The following DNAH6 variants were observed in gnomAD, a reference collection of about 807,000 sequenced individuals.
DNAH6 encodes axonemal beta dynein heavy chain 6.
Under a neutral mutation model 491.4 loss-of-function variants are expected in DNAH6, and 340 were observed. That is an observed-to-expected ratio of 0.69 (90% CI 0.63 to 0.76). The LOEUF (loss-of-function observed/expected upper bound fraction) is 0.76. DNAH6 is among the 30% of genes least tolerant of loss of function. The pLI, the probability that DNAH6 is intolerant of heterozygous loss-of-function variation, is 0.00. For missense variants in DNAH6, 4,443 were observed against 4,972.2 expected (o/e 0.89, Z 3.20); for synonymous variants, 1,603 against 1,686.1 (o/e 0.95, Z 1.21).
intron 56 of DNAH6, 41 bp downstream of exon 56, chr2:84,710,453 T>G (rs1696930197): frequency 2.6e-6 from 4 of 1,545,746 alleles, no homozygotes; most frequent in African/African-American, 2.7e-5. Flanking sequence ...GTTCCCAACT[T>G]TCAAATCATA....
intron 65 of DNAH6, among the ~76,000 whole-genome samples, chr2:84,782,776 CA>C (rs1195054303): frequency 6.6e-6 from 1 of 152,108 alleles, no homozygotes; most frequent in Non-Finnish European, 1.5e-5. Flanking sequence ...CAGTACTGGT[CA>C]GGGGTCCCCA....
rs527451425 is a variant in DNAH6 at position 84,775,919 on chromosome 2, T to C, written c.10704-5574T>C. 9.8e-5 allele frequency among the ~76,000 whole-genome samples: 15 copies of C among 152,318 alleles called. No individual in the cohort carries two copies. The East Asian group carries it at 2.7e-3, about 27-fold the overall frequency. ...CTTCTCTCTTTTTTCTTTGTTAATA[T>C]AGTTAGTGGTCTATCAATCTTGTTT... On this transcript the variant is annotated intron_variant, in intron 64 of 76. Transcript: ENST00000389394.
In DNAH6 at chr2:84,797,571, A is replaced by G. The variant is rs1305126662; in HGVS notation, c.11394A>G (p.Gln3798=). 2 of 1,551,830 alleles carry G rather than the reference A, an allele frequency of 1.3e-6. No homozygotes were observed. Among genetic ancestry groups the G allele is most frequent in the Admixed American group, 3.9e-5 (2 of 50,988 alleles). The part of the protein sequence containing the change: ...IYFAPMADSL[Q]EFKDYIENLP... ...TTGCACCCATGGCTGACAGCCTACA[A>G]GAGTTTAAGGACTACATTGAAAATC... is the stretch of plus-strand genomic sequence containing the variant. Residue 3798 remains glutamine (Q), a synonymous_variant, in exon 70 of 77, where the codon CAA becomes CAG. Transcript: ENST00000389394.
chr2:84,786,759 T>A (rs1418491509), intron 67 of DNAH6, among the ~76,000 whole-genome samples: 1 of 152,090 alleles, frequency 6.6e-6, no homozygotes, highest in African/African-American at 2.4e-5. Context: ...AACTGAAAAA[T>A]CATGGACAGA....
intron 26 of DNAH6, among the ~76,000 whole-genome samples, chr2:84,622,884 G>A (rs1687526845): frequency 6.6e-6 from 1 of 152,158 alleles, no homozygotes; most frequent in East Asian, 1.9e-4. Context: ...CAGTTATGAG[G>A]TGACATCTCA....
chr2:84,636,410 G>T (rs1688881921), intron 30 of DNAH6, among the ~76,000 whole-genome samples: 1 of 152,086 alleles, frequency 6.6e-6, no homozygotes, highest in African/African-American at 2.4e-5. Flanking sequence ...TACCCCCATG[G>T]GCTTTGCACA....
At chr2:84,724,763 G>A (rs941444788) in intron 60 of DNAH6, among the ~76,000 whole-genome samples, 12 of 152,096 alleles carry the variant, frequency 7.9e-5, no homozygotes, top group African/African-American at 2.9e-4. Flanking sequence ...GGGCAACTGG[G>A]TTCCAAGAGG....
chr2:84,579,274 G>A (rs1403316814), intron 13 of DNAH6, among the ~76,000 whole-genome samples: 1 of 152,224 alleles, frequency 6.6e-6, no homozygotes, highest in Non-Finnish European at 1.5e-5. Flanking sequence ...GGACAAAGAA[G>A]CAGAAAGCAT....
Position 84,584,010 on chromosome 2 carries a change from T to A in DNAH6, c.2241T>A (p.Leu747=). ...LDEIQERIES[L]EDEGNIVTQM... Reference sequence around the variant, plus strand: ...ATGTTTCCATTTAGATTGAAAGCCTTGAAGATGAGGGGAATATAGTGACTC... The same window carrying A: ...ATGTTTCCATTTAGATTGAAAGCCTAGAAGATGAGGGGAATATAGTGACTC... Residue 747 remains leucine (L), a synonymous_variant, in exon 15 of 77, where the codon CTT becomes CTA. Transcript: ENST00000389394. The A allele has an allele frequency of 6.2e-7, 1 of 1,613,390 alleles. No homozygotes were observed. The highest frequency in any genetic ancestry group is 8.5e-7 in the Non-Finnish European group (1 of 1,179,616).
intron 63 of DNAH6, among the ~76,000 whole-genome samples, chr2:84,757,491 C>A (rs1014565410): frequency 1.3e-5 from 2 of 152,168 alleles, no homozygotes; most frequent in Non-Finnish European, 2.9e-5. Context: ...ATACTCCTGC[C>A]ATCTCAGCAT....
At chr2:84,797,345 T>C (rs1487893675) in intron 69 of DNAH6, among the ~76,000 whole-genome samples, 192 bp from the exon 70 acceptor site, 1 of 152,156 alleles carries the variant, frequency 6.6e-6, no homozygotes, top group Non-Finnish European at 1.5e-5. Context: ...AATGAGATTC[T>C]CAAGGCCTGA....
intron 11 of DNAH6, among the ~76,000 whole-genome samples, chr2:84,570,068 T>C (rs548958700): frequency 6.6e-6 from 1 of 152,256 alleles, no homozygotes; most frequent in African/African-American, 2.4e-5. Context: ...TCATTCCCAA[T>C]TGAAAGGAAC....
At chr2:84,581,015 G>A (rs552445863) in intron 14 of DNAH6, among the ~76,000 whole-genome samples, 11 of 152,272 alleles carry the variant, frequency 7.2e-5, no homozygotes, top group African/African-American at 2.6e-4. Context: ...CAGCAAACAT[G>A]GCCACCAGCA....
chr2:84,574,673 G>C (rs1008451059), intron 12 of DNAH6, among the ~76,000 whole-genome samples: 1 of 152,188 alleles, frequency 6.6e-6, no homozygotes, highest in African/African-American at 2.4e-5. Flanking sequence ...TGGAGACTTA[G>C]TGTGTGCTGA....
rs568988217 is a variant in DNAH6 at position 84,642,009 on chromosome 2, A to G, written c.5033A>G (p.Asp1678Gly). ...EDVVLIRALQ[D>G]SNLPKFLTDD... ...GTGGTGTTGATAAGAGCTTTACAAG[A>G]CTCCAATTTGCCAAAATTTCTAACA... The change falls in exon 33 of 77, where the codon GAC (aspartate) becomes GGC (glycine). Residue 1678 changes from aspartate to glycine, a missense_variant. By Grantham distance (94) the Asp-to-Gly change is moderately conservative. Around this residue, in one of 3 missense-constraint regions of DNAH6, gnomAD observed 2,977 missense variants for 3,296.6 expected, o/e 0.90. Transcript: ENST00000389394. 1.9e-6 allele frequency: 3 copies of G among 1,550,966 alleles called. No individual in the cohort carries two copies. The South Asian group carries it at 3.6e-5, about 18-fold the overall frequency.
the DNAH6 span, among the ~76,000 whole-genome samples, chr2:84,498,848 C>G: frequency 2.0e-5 from 3 of 152,042 alleles, no homozygotes; most frequent in Admixed American, 1.3e-4. Context: ...GGTAAAGTCT[C>G]TTATCTTTCA....
chr2:84,637,515 A>G, intron 31 of DNAH6, 138 bp downstream of exon 31: 8 of 1,005,382 alleles, frequency 8.0e-6, no homozygotes, highest in Non-Finnish European at 1.1e-5. Flanking sequence ...TATGATTGTT[A>G]TCACATGGAA....
chr2:84,501,230 A>G, the DNAH6 span, among the ~76,000 whole-genome samples: 25,848 of 152,164 alleles, frequency 0.17, 3,317 homozygotes, highest in East Asian at 0.64. Context: ...GGGTTTTATC[A>G]TGAAGGGATG....
Position 84,579,618 on chromosome 2 carries a change from T to C in DNAH6, c.2168T>C (p.Val723Ala). Residue 723 changes from valine to alanine, a missense_variant, in exon 14 of 77, where the codon GTT becomes GCT. Transcript: ENST00000389394. ...AQDAEYKLEF[V>A]PTTTTEYVHS... ...GATGCAGAGTATAAACTTGAGTTTG[T>C]TCCAACTACTACCACAGAATATGTT... 6.2e-7 allele frequency: 1 copy of C among 1,611,834 alleles called. No homozygotes were observed. The highest frequency in any genetic ancestry group is 8.5e-7 in the Non-Finnish European group (1 of 1,179,352).
Sources: allele counts gnomAD v4.1 joint callset (sites outside exome capture counted in the v4.1 genomes callset), GRCh38; gene constraint gnomAD v4.1.1; regional missense constraint gnomAD v4.1.1; transcripts MANE v1.5; gene names NCBI Gene and HGNC (gene_info 2026-07-23, HGNC 2026-07-21).